MYO1B: variants seen among roughly 807,000 people sequenced by gnomAD.
MYO1B encodes the protein unconventional myosin-Ib.
A neutral mutation model predicts 159.7 loss-of-function variants in MYO1B; 72 were observed. The ratio of observed to expected loss-of-function variants is 0.45; its 90% CI spans 0.37 to 0.55. The LOEUF is 0.55. Among genes scored for constraint, MYO1B ranks in the 20% least tolerant of loss-of-function variants. The probability of loss-of-function intolerance (pLI) is 0.00; values close to 1 mark genes in which losing one functional copy is unlikely to be tolerated. For synonymous variants in MYO1B, 468 were observed against 473.8 expected (o/e 0.99, Z 0.16); for missense variants, 1,062 against 1,364.8 (o/e 0.78, Z 3.50).
chr2:191,327,424 A>G (rs958259444), intron 3 of MYO1B, among the ~76,000 whole-genome samples: 1 of 152,226 alleles, frequency 6.6e-6, no homozygotes, highest in Admixed American at 6.5e-5. Flanking sequence ...ATAAATTTCA[A>G]AGTGCTTGTA....
intron 4 of MYO1B, among the ~76,000 whole-genome samples, chr2:191,331,526 T>G (rs1691474675): frequency 6.6e-6 from 1 of 152,236 alleles, no homozygotes; most frequent in African/African-American, 2.4e-5. Flanking sequence ...AATCACTTAG[T>G]TATTTGAAGT....
At chr2:191,329,200 C>T (rs4334520) in intron 3 of MYO1B, among the ~76,000 whole-genome samples, 49,290 of 151,890 alleles carry the variant, frequency 0.32, 8,313 homozygotes, top group South Asian at 0.49. Context: ...GCAACAGGAC[C>T]ACTGCTCTGG....
chr2:191,245,852 G>A lies in MYO1B; in HGVS notation c.-10+226G>A, dbSNP rs537462179. The A allele has an allele frequency of 3.3e-5, 5 of 152,340 alleles. No homozygotes were observed. In the East Asian group the frequency reaches 9.7e-4, roughly 30 times the overall value. The allele number at this position is 152,340 out of a possible 1,614,324, so 9.4% of individuals were successfully genotyped here. ...TGGTCGTGACTCCGCAGTGGCTTCG[G>A]GGGTGGCGGGAGGGAAGAAGGGCTT... is the stretch of plus-strand genomic sequence containing the variant. On this transcript the variant is annotated intron_variant, in intron 1 of 30. Transcript: ENST00000392318.
chr2:191,263,163 C>A (rs538931416), intron 1 of MYO1B: 2 of 177,364 alleles, frequency 1.1e-5, no homozygotes, highest in South Asian at 3.8e-4. Flanking sequence ...TCTCGATCAA[C>A]TTTATATGAT....
chr2:191,350,210 G>C lies in MYO1B; in HGVS notation c.547G>C (p.Gly183Arg). The change falls in exon 7 of 31, where the codon GGA (glycine) becomes CGA (arginine). Residue 183 changes from glycine to arginine, a missense_variant. This residue lies in a region of MYO1B where 415 missense variants were observed against 544.0 expected (regional missense o/e 0.76). Transcript: ENST00000392318. ...EFDFKGDPLG[G>R]VISNYLLEKS... ...TGACTTTAAAGGCGATCCACTAGGA[G>C]GAGTAATAAGTAACTGTGAGTATTT... 1 of 1,612,226 alleles carries C rather than the reference G, an allele frequency of 6.2e-7. No homozygotes were observed. Among genetic ancestry groups the C allele is most frequent in the Non-Finnish European group, 8.5e-7 (1 of 1,178,686 alleles).
intron 3 of MYO1B, among the ~76,000 whole-genome samples, chr2:191,304,250 A>G (rs1198163744): frequency 6.6e-6 from 1 of 152,146 alleles, no homozygotes; most frequent in Admixed American, 6.5e-5. Context: ...TCTTCCCAGT[A>G]TGTTGCTTTT....
chr2:191,381,137 G>T, intron 13 of MYO1B: 1 of 362,630 alleles, frequency 2.8e-6, no homozygotes. Context: ...AGATTGTGGA[G>T]CTCACTGTGT....
chr2:191,388,413 A>G (rs1695532160), intron 17 of MYO1B: 1 of 152,200 alleles, frequency 6.6e-6, no homozygotes, highest in African/African-American at 2.4e-5. Context: ...TTGGTGAGCT[A>G]GATAGTAGAA....
At chr2:191,341,632 G>A in intron 5 of MYO1B, 67 bp downstream of exon 5, 1 of 1,258,760 alleles carries the variant, frequency 7.9e-7, no homozygotes. Flanking sequence ...TGGGTGCTTT[G>A]AGTACCTGGT....
intron 1 of MYO1B, among the ~76,000 whole-genome samples, chr2:191,262,328 C>T (rs116435265): frequency 1.8e-3 from 280 of 152,220 alleles, no homozygotes; most frequent in African/African-American, 6.6e-3. Context: ...TTATGCAGTA[C>T]ACAAACTGAA....
Position 191,415,742 on chromosome 2 carries a change from A to G in MYO1B, c.3160-373A>G, listed in dbSNP as rs960479974. Among the ~76,000 whole-genome samples, 8 of 152,196 alleles carry G rather than the reference A, an allele frequency of 5.3e-5. 1 individual carries two copies. Among genetic ancestry groups the G allele is most frequent in the Admixed American group, 4.6e-4 (7 of 15,278 alleles). ...AAGTTTTTTAATCAAGTCCTTCAGA[A>G]GAGTTGCGGGATAGGTCCATGCTCC... On this transcript the variant is annotated intron_variant, in intron 29 of 30. Coordinates refer to ENST00000392318, the MANE Select transcript of MYO1B (RefSeq NM_001130158.3).
intron 1 of MYO1B, among the ~76,000 whole-genome samples, chr2:191,248,343 G>T (rs1173098212): frequency 6.6e-6 from 1 of 152,098 alleles, no homozygotes; most frequent in African/African-American, 2.4e-5. Context: ...ATTTACAATG[G>T]GGTTATGTCC....
chr2:191,314,368 G>A (rs1298414604), intron 3 of MYO1B, among the ~76,000 whole-genome samples: 1 of 152,148 alleles, frequency 6.6e-6, no homozygotes, highest in Non-Finnish European at 1.5e-5. Flanking sequence ...TACAGAAATA[G>A]TTGATATGTG....
rs1299140683 is a variant in MYO1B at position 191,394,272 on chromosome 2, G to A, written c.2226+1050G>A. On this transcript the variant is annotated intron_variant, in intron 20 of 30. Transcript: ENST00000392318. ...TGGACTGTTGTCACCCAGCCTGGTG[G>A]CCGTGGAGTCTCCTCTGTACACATA... is the stretch of plus-strand genomic sequence containing the variant. 2.0e-5 allele frequency among the ~76,000 whole-genome samples: 3 copies of A among 152,168 alleles called. No individual in the cohort carries two copies. In the South Asian group the frequency reaches 6.2e-4, roughly 32 times the overall value.
At chr2:191,374,454 G>A (rs1054918343) in intron 13 of MYO1B, among the ~76,000 whole-genome samples, 8 of 152,274 alleles carry the variant, frequency 5.3e-5, no homozygotes, top group South Asian at 4.1e-4. Context: ...AAAAAAATGC[G>A]TCTAGTTGTC....
intron 2 of MYO1B, among the ~76,000 whole-genome samples, chr2:191,289,402 T>G (rs1362486999): frequency 6.6e-6 from 1 of 152,232 alleles, no homozygotes; most frequent in Admixed American, 6.5e-5. Flanking sequence ...TTCTTTGTGC[T>G]CCTTTGTTAT....
chr2:191,256,261 CG>C (rs1686440531), intron 1 of MYO1B, among the ~76,000 whole-genome samples: 1 of 152,154 alleles, frequency 6.6e-6, no homozygotes, highest in Non-Finnish European at 1.5e-5. Context: ...TAGTAGCCCC[CG>C]GACCCTGGGC....
chr2:191,383,099 G>A (rs1466278896), intron 14 of MYO1B, among the ~76,000 whole-genome samples, 181 bp from the exon 15 acceptor site: 1 of 152,098 alleles, frequency 6.6e-6, no homozygotes, highest in Non-Finnish European at 1.5e-5. Context: ...TATGTCAGTG[G>A]TAGGCAGCTG....
chr2:191,359,410 G>T (rs555479895), intron 7 of MYO1B, among the ~76,000 whole-genome samples: 68 of 151,378 alleles, frequency 4.5e-4, no homozygotes, highest in Non-Finnish European at 8.7e-4. Flanking sequence ...ATGAGAGCTG[G>T]AGAACATGAA....
Sources: gnomAD v4.1 joint callset for allele counts (sites outside exome capture counted in the v4.1 genomes callset) on GRCh38, gnomAD v4.1.1 for gene constraint, gnomAD v4.1.1 regional missense constraint, MANE v1.5 for transcripts, NCBI Gene and HGNC (gene_info 2026-07-23, HGNC 2026-07-21) for gene names.